UBA6: variants seen among roughly 807,000 people sequenced by gnomAD.
UBA6 encodes ubiquitin-like modifier-activating enzyme 6.
Under a neutral mutation model 148.3 loss-of-function variants are expected in UBA6, and 87 were observed. The ratio of observed to expected loss-of-function variants is 0.59; its 90% CI spans 0.49 to 0.70. The LOEUF (loss-of-function observed/expected upper bound fraction) is 0.70, where lower values mean the gene tolerates loss of function less well. UBA6 is among the 30% of genes least tolerant of loss of function. The pLI is 0.00. For missense variants in UBA6, 1,186 were observed against 1,241.2 expected (o/e 0.96, Z 0.67); for synonymous variants, 376 against 401.0 (o/e 0.94, Z 0.75).
intron 18 of UBA6, among the ~76,000 whole-genome samples, chr4:67,639,949 G>C (rs957166567): frequency 1.3e-5 from 2 of 152,164 alleles, no homozygotes; most frequent in Non-Finnish European, 2.9e-5. Flanking sequence ...GGATACTGCT[G>C]TAAGGGGTAC....
intron 6 of UBA6, among the ~76,000 whole-genome samples, chr4:67,675,189 T>C (rs911712371): frequency 6.6e-6 from 1 of 152,220 alleles, no homozygotes; most frequent in Non-Finnish European, 1.5e-5. Context: ...TCCTCAGGTC[T>C]ATCTTTCAAT....
chr4:67,637,249 C>A (rs1218445673), intron 19 of UBA6, among the ~76,000 whole-genome samples: 1 of 149,184 alleles, frequency 6.7e-6, no homozygotes, highest in African/African-American at 2.5e-5. Flanking sequence ...TCTGGCCAGC[C>A]GCCCAGCCCT....
At chr4:67,689,078 G>A (rs753903152) in intron 2 of UBA6, among the ~76,000 whole-genome samples, 32 of 151,944 alleles carry the variant, frequency 2.1e-4, no homozygotes, top group Non-Finnish European at 2.2e-4. Flanking sequence ...CCATACAACC[G>A]TTCTGATTTT....
Position 67,647,820 on chromosome 4 carries a change from C to G in UBA6, c.1249-1029G>C, listed in dbSNP as rs1223812697. 5.4e-5 allele frequency among the ~76,000 whole-genome samples: 8 copies of G among 147,990 alleles called. No homozygotes were observed. The South Asian group carries it at 1.5e-3, about 28-fold the overall frequency. ...ACAGAGTCTCACTCTGTCGCCCAGG[C>G]TGGAGTGCAGTGGCACAATCTCGGC... On this transcript the variant is annotated intron_variant, in intron 14 of 32. Transcript: ENST00000322244.
intron 16 of UBA6, 68 bp downstream of exon 16, chr4:67,645,869 GT>G: frequency 1.1e-6 from 1 of 945,600 alleles, no homozygotes; most frequent in South Asian, 1.7e-5. Context: ...ACTCAAATTT[GT>G]TTTAATGAAT....
In UBA6 at chr4:67,696,674, T is replaced by C; in HGVS notation, c.105A>G (p.Ala35=). Residue 35 remains alanine (A), a synonymous_variant, in exon 2 of 33, where the codon GCA becomes GCG. Transcript: ENST00000322244. The part of the protein sequence containing the change: ...TNKNLPIMST[A]SVEIDDALYS... ...ACAATGCATCATCGATTTCCACAGATGCTGTTGACATAATGGGCAAATTTT... is the reference window on the plus strand; with the variant it reads ...ACAATGCATCATCGATTTCCACAGACGCTGTTGACATAATGGGCAAATTTT... 1 of 1,608,476 alleles carries C rather than the reference T, an allele frequency of 6.2e-7. No homozygotes were observed. The highest frequency in any genetic ancestry group is 8.5e-7 in the Non-Finnish European group (1 of 1,177,296).
intron 13 of UBA6, among the ~76,000 whole-genome samples, chr4:67,659,312 C>T (rs1729781399): frequency 6.6e-6 from 1 of 152,176 alleles, no homozygotes; most frequent in Non-Finnish European, 1.5e-5. Flanking sequence ...AAAATCTCAT[C>T]TTGAATTGTA....
rs1560505329 is a variant in UBA6 at position 67,696,689 on chromosome 4, G to A, written c.90C>T (p.Pro30=). ...WGTGSTNKNL[P]IMSTASVEID... ...TTTCCACAGATGCTGTTGACATAATGGGCAAATTTTTATTTGTGCTGGAAA... is the reference window on the plus strand; with the variant it reads ...TTTCCACAGATGCTGTTGACATAATAGGCAAATTTTTATTTGTGCTGGAAA... The change falls in exon 2 of 33, where the codon CCC becomes CCT. Residue 30 remains proline, a synonymous_variant. Transcript: ENST00000322244. 1 of 1,605,014 alleles carries A rather than the reference G, an allele frequency of 6.2e-7. No homozygotes were observed. Among genetic ancestry groups the A allele is most frequent in the East Asian group, 2.2e-5 (1 of 44,582 alleles).
rs938524172 is a variant in UBA6 at position 67,617,812 on chromosome 4, G to A, written c.*1185C>T. 1.3e-5 allele frequency: 2 copies of A among 151,954 alleles called. No individual in the cohort carries two copies. Among genetic ancestry groups the A allele is most frequent in the African/African-American group, 4.8e-5 (2 of 41,408 alleles). The allele number at this position is 151,954 out of a possible 1,614,324, so 9.4% of individuals were successfully genotyped here. ...AAAAAAAAGCCAACTGCTTCAGAAT[G>A]CATGACAGTCTTAGTAATAAAAGAA... On this transcript the variant is annotated 3_prime_UTR_variant, in exon 33 of 33. Transcript: ENST00000322244.
intron 16 of UBA6, 124 bp from the exon 17 acceptor site, chr4:67,644,902 T>A (rs538168304): frequency 3.6e-5 from 19 of 532,634 alleles, no homozygotes; most frequent in African/African-American, 3.4e-4. Context: ...ATAAACCAAA[T>A]AAGGAAAAGC....
At chr4:67,685,720 T>C (rs759158467) in intron 2 of UBA6, among the ~76,000 whole-genome samples, 17 of 152,134 alleles carry the variant, frequency 1.1e-4, no homozygotes, top group Non-Finnish European at 4.4e-5. Context: ...ACCATTATTG[T>C]AGGAGTGGTT....
chr4:67,627,992 T>A (rs552439995), intron 27 of UBA6, among the ~76,000 whole-genome samples: 2 of 150,678 alleles, frequency 1.3e-5, no homozygotes, highest in African/African-American at 4.9e-5. Context: ...CCTAGTTATA[T>A]CCAATTTTCC....
chr4:67,683,939 G>A (rs541839506), intron 2 of UBA6, among the ~76,000 whole-genome samples: 1 of 152,108 alleles, frequency 6.6e-6, no homozygotes, highest in Non-Finnish European at 1.5e-5. Context: ...AGGATGAGGT[G>A]GTGGGTGCCT....
Position 67,630,317 on chromosome 4 carries a change from T to C in UBA6, c.2328+149A>G, listed in dbSNP as rs557678943. ...TGCAATGAGCTTTTAGCTTCCATTA[T>C]GTTAGTATGGGTAAAAATACAATAA... is the stretch of plus-strand genomic sequence containing the variant. On this transcript the variant is annotated intron_variant, in intron 26 of 32. Transcript: ENST00000322244. The C allele has an allele frequency of 1.7e-4, 111 of 639,528 alleles. No individual in the cohort carries two copies. In the South Asian group the frequency reaches 2.2e-3, roughly 12 times the overall value. The allele number at this position is 639,528 out of a possible 1,614,324, so 39.6% of individuals were successfully genotyped here.
chr4:67,663,085 G>T, intron 12 of UBA6, 54 bp downstream of exon 12: 1 of 1,303,292 alleles, frequency 7.7e-7, no homozygotes, highest in East Asian at 2.3e-5. Flanking sequence ...TATAATTTCT[G>T]AACTACTACT....
At chr4:67,630,731 A>G (rs2109900956) in intron 25 of UBA6, among the ~76,000 whole-genome samples, 196 bp from the exon 26 acceptor site, 1 of 152,262 alleles carries the variant, frequency 6.6e-6, no homozygotes, top group Middle Eastern at 3.4e-3. Context: ...AAAAGACAAA[A>G]CATCAAACAG....
chr4:67,691,590 A>C (rs1303379186), intron 2 of UBA6, among the ~76,000 whole-genome samples: 1 of 152,204 alleles, frequency 6.6e-6, no homozygotes. Flanking sequence ...CATCATGTTT[A>C]ATGTGCAATA....
rs560580437 is a variant in UBA6, at chr4:67,700,298, T to C, written c.71+751A>G. On this transcript the variant is annotated intron_variant, in intron 1 of 32. Coordinates refer to ENST00000322244, the MANE Select transcript of UBA6 (RefSeq NM_018227.6). ...AAAGTCTCACATCAGCTGAAAATAATACATCCATCAATTCTATCTTTGGCA... is the reference window on the plus strand; with the variant it reads ...AAAGTCTCACATCAGCTGAAAATAACACATCCATCAATTCTATCTTTGGCA... Among the ~76,000 whole-genome samples, 6 of 152,304 alleles carry C rather than the reference T, an allele frequency of 3.9e-5. No homozygotes were observed. In the South Asian group the frequency reaches 1.2e-3, roughly 32 times the overall value.
In UBA6 at chr4:67,649,063, C is replaced by T. The variant is rs765925117; in HGVS notation, c.1248+5G>A. 6.2e-7 allele frequency: 1 copy of T among 1,612,330 alleles called. No homozygotes were observed. The highest frequency in any genetic ancestry group is 8.5e-7 in the Non-Finnish European group (1 of 1,179,340). On this transcript the variant is annotated splice_donor_5th_base_variant and intron_variant, in intron 14 of 32. Coordinates refer to ENST00000322244, the MANE Select transcript of UBA6 (RefSeq NM_018227.6). Reference sequence around the variant, plus strand: ...AGAATTCAACTTTAAAAACTCAGAACTAACCCACTGGCACAAAGGAGAAAA... The same window carrying T: ...AGAATTCAACTTTAAAAACTCAGAATTAACCCACTGGCACAAAGGAGAAAA...
Sources: allele counts gnomAD v4.1 joint callset (sites outside exome capture counted in the v4.1 genomes callset), GRCh38; gene constraint gnomAD v4.1.1; transcripts MANE v1.5; gene names NCBI Gene and HGNC (gene_info 2026-07-23, HGNC 2026-07-21).